PSME3: variants seen among roughly 807,000 people sequenced by gnomAD.
PSME3 encodes the protein proteasome activator subunit 3.
A neutral mutation model predicts 38.3 loss-of-function variants in PSME3; 7 were observed. The ratio of observed to expected loss-of-function variants is 0.18; its 90% CI spans 0.10 to 0.34. The LOEUF (loss-of-function observed/expected upper bound fraction) is 0.34. Among genes scored for constraint, PSME3 ranks in the 10% least tolerant of loss-of-function variants. The pLI is 1.00. For synonymous variants in PSME3, 108 were observed against 105.7 expected (o/e 1.02, Z -0.13); for missense variants, 192 against 307.6 (o/e 0.62, Z 2.81).
intron 8 of PSME3, 29 bp downstream of exon 8, chr17:42,839,041 T>C (rs754717237): frequency 2.5e-6 from 4 of 1,611,444 alleles, no homozygotes; most frequent in African/African-American, 1.3e-5. Context: ...GGCCGAGGCG[T>C]TGGGGGCTGA....
rs529231938 is a variant in PSME3, at chr17:42,842,723, A to G, written c.*1145A>G. On this transcript the variant is annotated 3_prime_UTR_variant, in exon 11 of 11. Coordinates refer to ENST00000590720, the MANE Select transcript of PSME3 (RefSeq NM_005789.4). ...ATGTGGAAATGTGCTGGGCAAGTCA[A>G]AACTATAGAAGAGTTGCCTCCTGTC... 1.3e-5 allele frequency: 2 copies of G among 152,940 alleles called. No homozygotes were observed. The highest frequency in any genetic ancestry group is 1.9e-4 in the East Asian group (1 of 5,322). 9.5% of individuals were successfully genotyped at this position (152,940 alleles called of 1,614,324 possible). A position where few individuals can be genotyped will look rare whatever the true frequency, so the allele number is the denominator to read the frequency against.
Position 42,833,867 on chromosome 17 carries a change from C to G in PSME3, c.42+194C>G. 2.7e-6 allele frequency: 4 copies of G among 1,489,042 alleles called. No individual in the cohort carries two copies. The South Asian group carries it at 5.3e-5, about 20-fold the overall frequency. 92.2% of individuals were successfully genotyped at this position (1,489,042 alleles called of 1,614,324 possible). On this transcript the variant is annotated intron_variant, in intron 1 of 10. Coordinates refer to ENST00000590720, the MANE Select transcript of PSME3 (RefSeq NM_005789.4). ...TATAGGATGGCTTTCTGTACCGCGT[C>G]TGATGATGGAGAGTCCCGGGGACAC...
Position 42,833,534 on chromosome 17 carries a change from C to G in PSME3, c.-98C>G, listed in dbSNP as rs2055423553. On this transcript the variant is annotated 5_prime_UTR_variant, in exon 1 of 11. Coordinates refer to ENST00000590720, the MANE Select transcript of PSME3 (RefSeq NM_005789.4). ...AGTAAGCCAGCAAGGGCGGTCGGGT[C>G]CCGAGGTCAGCCGAGATTTCTCAGG... 2 of 1,522,500 alleles carry G rather than the reference C, an allele frequency of 1.3e-6. No individual in the cohort carries two copies. The highest frequency in any genetic ancestry group is 1.8e-6 in the Non-Finnish European group (2 of 1,102,700). 94.3% of individuals were successfully genotyped at this position (1,522,500 alleles called of 1,614,324 possible).
At chr17:42,835,160 C>G (rs1364329319) in intron 4 of PSME3, among the ~76,000 whole-genome samples, 1 of 151,972 alleles carries the variant, frequency 6.6e-6, no homozygotes, top group South Asian at 2.1e-4. Context: ...TCCTCAGCCT[C>G]GCAGGTAGCT....
In PSME3 at chr17:42,837,645, T is replaced by G; in HGVS notation, c.244-4T>G. On this transcript the variant is annotated splice_polypyrimidine_tract_variant and splice_region_variant and intron_variant, in intron 4 of 10. Coordinates refer to ENST00000590720, the MANE Select transcript of PSME3 (RefSeq NM_005789.4). Reference sequence around the variant, plus strand: ...GGCTCATCCCTGCCTCTTTGTATCCTTAGCCCACTTATAAGAAGCGAAGGT... The same window carrying G: ...GGCTCATCCCTGCCTCTTTGTATCCGTAGCCCACTTATAAGAAGCGAAGGT... The G allele has an allele frequency of 6.2e-7, 1 of 1,614,134 alleles. No homozygotes were observed. The highest frequency in any genetic ancestry group is 8.5e-7 in the Non-Finnish European group (1 of 1,180,008).
At position 42,834,437 on chromosome 17, in the gene PSME3, G is replaced by GGAGAGAGAGAGAGAGAGAGAGAGA. The variant is rs59492997; in HGVS notation, c.76-69_76-46dup. The GGAGAGAGAGAGAGAGAGAGAGAGA allele has an allele frequency of 6.5e-6, 10 of 1,536,690 alleles. No individual in the cohort carries two copies. The African/African-American group carries it at 1.4e-4, about 22-fold the overall frequency. On this transcript the variant is annotated intron_variant, in intron 2 of 10. Transcript: ENST00000590720. The stretch of plus-strand genomic sequence containing the variant: ...AGAATTTCCCAAAGAGGAGATACCT[G>GGAGAGAGAGAGAGAGAGAGAGAGA]GAGAGAGAGAGAGAGAGAGAGAGAG...
In PSME3 at chr17:42,834,346, T is replaced by C. The variant is rs746595714; in HGVS notation, c.45T>C (p.Val15=). Residue 15 remains valine (V), a splice_region_variant and synonymous_variant, in exon 2 of 11, where the codon GTT becomes GTC. Transcript: ENST00000590720. ...LKVDQEVKLK[V]DSFRERITSE... ...ATTGCTCTCTTTGTTAATTTTAGGT[T>C]GATTCTTTCAGGGAGCGGATCACAA... 1.9e-6 allele frequency: 3 copies of C among 1,613,922 alleles called. No homozygotes were observed. Among genetic ancestry groups the C allele is most frequent in the East Asian group, 4.5e-5 (2 of 44,898 alleles).
chr17:42,833,701 C>T (rs200470392), intron 1 of PSME3, 28 bp downstream of exon 1: 7 of 1,614,172 alleles, frequency 4.3e-6, no homozygotes, highest in Admixed American at 1.7e-5. Context: ...GCCTTTTTGC[C>T]CCTCGCTTTG....
At chr17:42,837,835 C>T in intron 5 of PSME3, 138 bp downstream of exon 5, 1 of 1,061,902 alleles carries the variant, frequency 9.4e-7, no homozygotes, top group Admixed American at 2.1e-5. Context: ...CCAGCTCCTC[C>T]AAACGTGCTT....
At chr17:42,838,593 C>A in intron 6 of PSME3, 138 bp from the exon 7 acceptor site, 1 of 852,720 alleles carries the variant, frequency 1.2e-6, no homozygotes, top group Non-Finnish European at 1.9e-6. Context: ...GCTGGGATTA[C>A]CGGCATGAGC....
chr17:42,836,406 T>C (rs751522380), intron 4 of PSME3, among the ~76,000 whole-genome samples: 1 of 152,238 alleles, frequency 6.6e-6, no homozygotes, highest in Non-Finnish European at 1.5e-5. Flanking sequence ...TGTGTTCCTT[T>C]GTGGAACCAG....
chr17:42,835,069 CT>C (rs1038376380), intron 4 of PSME3, among the ~76,000 whole-genome samples, 193 bp downstream of exon 4: 2 of 152,024 alleles, frequency 1.3e-5, no homozygotes, highest in African/African-American at 4.8e-5. Flanking sequence ...AAGGGTGTCA[CT>C]TTTTTTGCCC....
At chr17:42,839,619 A>G (rs1446910204) in intron 10 of PSME3, among the ~76,000 whole-genome samples, 1 of 152,206 alleles carries the variant, frequency 6.6e-6, no homozygotes, top group Non-Finnish European at 1.5e-5. Context: ...TCAGAGTCAG[A>G]CAGACTTAGG....
rs745832384 is a variant in PSME3, at chr17:42,834,383, G to C, written c.75+7G>C. ...GGAGCGGATCACAAGTGAGGTGAGT[G>C]AAATAAATAGAAAAATGGTTGTTGG... On this transcript the variant is annotated splice_region_variant and intron_variant, in intron 2 of 10. Transcript: ENST00000590720. 6.2e-7 allele frequency: 1 copy of C among 1,613,834 alleles called. No individual in the cohort carries two copies. The highest frequency in any genetic ancestry group is 2.2e-5 in the East Asian group (1 of 44,872).
At chr17:42,837,546 A>G in intron 4 of PSME3, 103 bp from the exon 5 acceptor site, 1 of 1,186,532 alleles carries the variant, frequency 8.4e-7, no homozygotes, top group Non-Finnish European at 1.3e-6. Context: ...TTAATAACAT[A>G]AGCTATGAGG....
intron 3 of PSME3, 73 bp from the exon 4 acceptor site, chr17:42,834,699 T>A (rs943021565): frequency 6.2e-7 from 1 of 1,604,048 alleles, no homozygotes; most frequent in Non-Finnish European, 8.5e-7. Flanking sequence ...GCACTTTCAT[T>A]TCTTGCTCTT....
At chr17:42,835,288 C>T (rs539860202) in intron 4 of PSME3, among the ~76,000 whole-genome samples, 7 of 152,260 alleles carry the variant, frequency 4.6e-5, no homozygotes, top group African/African-American at 1.7e-4. Flanking sequence ...CCACCCGCCT[C>T]AGCGTCCCAA....
intron 4 of PSME3, among the ~76,000 whole-genome samples, chr17:42,836,868 C>G (rs1218116510): frequency 6.6e-6 from 1 of 150,484 alleles, no homozygotes; most frequent in Non-Finnish European, 1.5e-5. Flanking sequence ...AGCCCAAGAA[C>G]CTTTTCTTTA....
In PSME3 at chr17:42,840,293, T is replaced by TA. The variant is rs56818230; in HGVS notation, c.684+916dup. 7.9e-3 allele frequency among the ~76,000 whole-genome samples: 961 copies of TA among 122,350 alleles called. 13 individuals are homozygous for TA. Among genetic ancestry groups the TA allele is most frequent in the African/African-American group, 0.028 (922 of 32,550 alleles). The allele number at this position is 122,350 out of a possible 152,430, so 80.3% of individuals were successfully genotyped here. ...AGCGAAACTCCGCCTCAAATAAAAA[T>TA]AAATAAAATAAAATAAAATGGGACT... is the stretch of plus-strand genomic sequence containing the variant. On this transcript the variant is annotated intron_variant, in intron 10 of 10. Coordinates refer to ENST00000590720, the MANE Select transcript of PSME3 (RefSeq NM_005789.4).
Sources: allele counts gnomAD v4.1 joint callset (sites outside exome capture counted in the v4.1 genomes callset), GRCh38; gene constraint gnomAD v4.1.1; transcripts MANE v1.5; gene names NCBI Gene and HGNC (gene_info 2026-07-23, HGNC 2026-07-21).